ATG4A: variants seen among roughly 807,000 people sequenced by gnomAD.
ATG4A encodes the protein autophagy related 4A cysteine peptidase, also known as cysteine protease ATG4A.
A neutral mutation model predicts 38.4 loss-of-function variants in ATG4A; 22 were observed. That is an observed-to-expected ratio of 0.57 (90% CI 0.41 to 0.82). ATG4A has a LOEUF of 0.82. Among genes scored for constraint, ATG4A ranks in the 40% least tolerant of loss-of-function variants. ATG4A has a pLI of 0.00. For synonymous variants in ATG4A, 86 were observed against 100.7 expected, an observed-to-expected ratio of 0.85 and a Z score of 0.88; for missense variants, 220 against 290.0, an observed-to-expected ratio of 0.76 and a Z score of 1.75.
intron 3 of ATG4A, among the ~76,000 whole-genome samples, chrX:108,130,593 A>C (rs1171010874): frequency 8.9e-6 from 1 of 112,366 alleles, no homozygotes; most frequent in African/African-American, 3.2e-5. Context: ...ACTTTCACAG[A>C]TATTCTCTCA....
At chrX:108,125,923 T>A (rs2147995895) in intron 1 of ATG4A, among the ~76,000 whole-genome samples, 154 bp from the exon 2 acceptor site, 1 of 111,981 alleles carries the variant, frequency 8.9e-6, no homozygotes, top group African/African-American at 3.2e-5. Flanking sequence ...GATTTAGAGG[T>A]CTTGTGAGTG....
At chrX:108,102,474 T>C (rs1216646231) in intron 1 of ATG4A, among the ~76,000 whole-genome samples, 1 of 112,091 alleles carries the variant, frequency 8.9e-6, no homozygotes, top group Non-Finnish European at 1.9e-5. Flanking sequence ...GGTTTGCAAA[T>C]ATTTTCTCCC....
chrX:108,094,616 CA>C (rs2031745984), intron 1 of ATG4A, among the ~76,000 whole-genome samples: 1 of 112,020 alleles, frequency 8.9e-6, no homozygotes, highest in African/African-American at 3.2e-5. Flanking sequence ...CTTAGACTGG[CA>C]TTATGTGTTT....
upstream of ATG4A, chrX:108,091,506 C>T: frequency 1.7e-6 from 2 of 1,211,045 alleles, no homozygotes; most frequent in Non-Finnish European, 1.1e-6. Flanking sequence ...TTAGGTTAGA[C>T]ACACACCCCT....
At chrX:108,116,149 C>T (rs1252266599) in intron 1 of ATG4A, among the ~76,000 whole-genome samples, 1 of 112,299 alleles carries the variant, frequency 8.9e-6, no homozygotes, top group Non-Finnish European at 1.9e-5. Flanking sequence ...GTTCACATTA[C>T]AGAAATGTGC....
At chrX:108,099,910 C>T (rs1280438103) in intron 1 of ATG4A, among the ~76,000 whole-genome samples, 2 of 111,349 alleles carry the variant, frequency 1.8e-5, no homozygotes, top group Non-Finnish European at 3.8e-5. Flanking sequence ...AGAGTGATTC[C>T]TCCTAGTTTA....
chrX:108,141,790 T>C (rs1034348673), intron 9 of ATG4A, among the ~76,000 whole-genome samples: 1 of 112,001 alleles, frequency 8.9e-6, no homozygotes, highest in East Asian at 2.8e-4. Flanking sequence ...AGATCATTTC[T>C]AGAGCTTTTT....
At chrX:108,115,053 A>G (rs191371613) in intron 1 of ATG4A, among the ~76,000 whole-genome samples, 2 of 110,089 alleles carry the variant, frequency 1.8e-5, no homozygotes, top group African/African-American at 3.3e-5. Flanking sequence ...CTTATAGATA[A>G]TATCTGAGGC....
intron 9 of ATG4A, among the ~76,000 whole-genome samples, chrX:108,144,083 G>A (rs148896009): frequency 0.011 from 1,183 of 108,920 alleles, 29 homozygotes; most frequent in African/African-American, 0.037. Flanking sequence ...CTTGGTCAGA[G>A]TCTGTGTGGG....
chrX:108,128,701 T>C, intron 2 of ATG4A, 80 bp from the exon 3 acceptor site: 1 of 616,036 alleles, frequency 1.6e-6, no homozygotes, highest in Non-Finnish European at 2.4e-6. Context: ...TATTTGAAAT[T>C]AAGTTAGTAG....
intron 5 of ATG4A, 37 bp downstream of exon 5, chrX:108,134,195 A>T: frequency 8.7e-7 from 1 of 1,152,909 alleles, no homozygotes; most frequent in Non-Finnish European, 1.2e-6. Flanking sequence ...GGCAGTGCCT[A>T]TTCCTGTTCC....
chrX:108,150,950 G>A (rs139152477), intron 10 of ATG4A, among the ~76,000 whole-genome samples: 5 of 112,442 alleles, frequency 4.4e-5, no homozygotes, highest in African/African-American at 6.5e-5. Flanking sequence ...TTATGGGGTT[G>A]TATGAGGTGC....
intron 1 of ATG4A, among the ~76,000 whole-genome samples, chrX:108,092,440 ACTGATC>A (rs1358744997): frequency 8.9e-6 from 1 of 112,653 alleles, no homozygotes; most frequent in Admixed American, 9.3e-5. Flanking sequence ...GCAATGCAAG[ACTGATC>A]CTTTATAGGG....
chrX:108,150,473 A>C (rs1420688243), intron 10 of ATG4A, among the ~76,000 whole-genome samples, 176 bp downstream of exon 10: 1 of 112,691 alleles, frequency 8.9e-6, no homozygotes, highest in Non-Finnish European at 1.9e-5. Flanking sequence ...CTCCAGTTGG[A>C]ATCTTGGCTC....
At chrX:108,144,562 A>G (rs1448117697) in intron 9 of ATG4A, among the ~76,000 whole-genome samples, 1 of 111,949 alleles carries the variant, frequency 8.9e-6, no homozygotes, top group African/African-American at 3.3e-5. Flanking sequence ...CACTTTGTTC[A>G]TGGGCCCATT....
chrX:108,103,380 G>T (rs2032076504), intron 1 of ATG4A, among the ~76,000 whole-genome samples: 1 of 111,900 alleles, frequency 8.9e-6, no homozygotes, highest in South Asian at 3.7e-4. Flanking sequence ...TTAGATGACT[G>T]TATATGTATG....
At chrX:108,119,652 C>G (rs911841521) in intron 1 of ATG4A, among the ~76,000 whole-genome samples, 12 of 111,505 alleles carry the variant, frequency 1.1e-4, no homozygotes, top group African/African-American at 3.3e-4. Flanking sequence ...CAGAGAAGTG[C>G]AGTAGATTTT....
chrX:108,099,297 T>C (rs776163792), intron 1 of ATG4A, among the ~76,000 whole-genome samples: 2 of 111,872 alleles, frequency 1.8e-5, no homozygotes, highest in Non-Finnish European at 3.8e-5. Flanking sequence ...ATCTTCTTCA[T>C]TTAAATATCT....
At chrX:108,134,001 A>G (rs2033031639) in intron 4 of ATG4A, 56 bp from the exon 5 acceptor site, 1 of 933,193 alleles carries the variant, frequency 1.1e-6, no homozygotes, top group African/African-American at 2.0e-5. Context: ...ATAAAAGTGC[A>G]GAGAGGAATA....
Sources: allele counts gnomAD v4.1 joint callset (sites outside exome capture counted in the v4.1 genomes callset), GRCh38; gene constraint gnomAD v4.1.1; transcripts MANE v1.5; gene names NCBI Gene and HGNC (gene_info 2026-07-23, HGNC 2026-07-21).